The following ADD2 variants were observed in gnomAD, a reference collection of about 807,000 sequenced individuals.
ADD2 encodes adducin 2.
ADD2 carries 23 observed loss-of-function variants against 83.0 expected under a neutral mutation model. The observed-to-expected ratio is 0.28, with a 90% CI of 0.20 to 0.39. The LOEUF is 0.39. Ranked by LOEUF, ADD2 falls within the 10% of genes least tolerant of loss-of-function variation. ADD2 has a pLI of 1.00. For synonymous variants in ADD2, 375 were observed against 375.4 expected (o/e 1.00, Z 0.01); for missense variants, 758 against 944.9 (o/e 0.80, Z 2.59).
intron 14 of ADD2, among the ~76,000 whole-genome samples, chr2:70,673,959 G>A (rs566198046): frequency 9.6e-4 from 146 of 152,278 alleles, no homozygotes; most frequent in African/African-American, 3.5e-3. Flanking sequence ...TGGAGATGGT[G>A]GAAGAAGACC....
chr2:70,668,124 G>A (rs76622444), intron 15 of ADD2, among the ~76,000 whole-genome samples: 12,323 of 152,242 alleles, frequency 0.081, 545 homozygotes, highest in Middle Eastern at 0.12. Context: ...GACTCAGACT[G>A]AGTTACACCA....
chr2:70,734,779 A>G (rs1227702480), intron 1 of ADD2, among the ~76,000 whole-genome samples: 1 of 152,194 alleles, frequency 6.6e-6, no homozygotes, highest in Non-Finnish European at 1.5e-5. Flanking sequence ...CCCCAAGCCG[A>G]CCACCTCTGT....
chr2:70,718,241 T>C (rs1256862749), intron 1 of ADD2, among the ~76,000 whole-genome samples: 1 of 152,230 alleles, frequency 6.6e-6, no homozygotes, highest in African/African-American at 2.4e-5. Flanking sequence ...CTTGGAATCA[T>C]TCCCATACCC....
At position 70,666,167 on chromosome 2, in the gene ADD2, G is replaced by A. The variant is rs542335362; in HGVS notation, c.1871-2432C>T. 3.0e-4 allele frequency among the ~76,000 whole-genome samples: 46 copies of A among 152,252 alleles called. 1 individual carries two copies. The highest frequency in any genetic ancestry group is 6.8e-3 in the Middle Eastern group (2 of 294). On this transcript the variant is annotated intron_variant, in intron 15 of 15. Coordinates refer to ENST00000264436, the MANE Select transcript of ADD2 (RefSeq NM_001617.4). ...CCCCTTCTACACTGAAATGAATTAGGGCAAAATTGTGTCTAATGACCTATG... is the reference window on the plus strand; with the variant it reads ...CCCCTTCTACACTGAAATGAATTAGAGCAAAATTGTGTCTAATGACCTATG...
chr2:70,675,016 G>A (rs1670063355), intron 13 of ADD2, 191 bp from the exon 14 acceptor site: 1 of 1,347,526 alleles, frequency 7.4e-7, no homozygotes, highest in Admixed American at 3.4e-5. Flanking sequence ...CTTACCCCTA[G>A]ATTTTGCAAC....
At chr2:70,729,488 T>C (rs1477057) in intron 1 of ADD2, among the ~76,000 whole-genome samples, 86,423 of 151,822 alleles carry the variant, frequency 0.57, 25,208 homozygotes, top group East Asian at 0.9. Flanking sequence ...CCCAACCTCT[T>C]CCCCACCCCT....
chr2:70,683,653 T>A lies in ADD2; in HGVS notation c.1063A>T (p.Met355Leu). ...VQWAGSTFGP[M>L]QKSRLGEHEF... Reference sequence around the variant, plus strand: ...TGCTCCCCCAGCCGACTCTTCTGCATAGGCCCAAAGGTGCTCCCGGCCCAC... The same window carrying A: ...TGCTCCCCCAGCCGACTCTTCTGCAAAGGCCCAAAGGTGCTCCCGGCCCAC... The change falls in exon 10 of 16, where the codon ATG becomes TTG. Residue 355 changes from methionine (M) to leucine (L), a missense_variant. Met to Leu is a conservative substitution (Grantham distance 15). This residue lies in a region of ADD2 where 394 missense variants were observed against 509.3 expected (regional missense o/e 0.77). Transcript: ENST00000264436. The A allele has an allele frequency of 1.9e-6, 3 of 1,614,128 alleles. No individual in the cohort carries two copies. The highest frequency in any genetic ancestry group is 2.5e-6 in the Non-Finnish European group (3 of 1,180,000).
At chr2:70,693,410 C>A (rs1457646457) in intron 6 of ADD2, among the ~76,000 whole-genome samples, 1 of 152,172 alleles carries the variant, frequency 6.6e-6, no homozygotes, top group African/African-American at 2.4e-5. Context: ...AAAACTGAGA[C>A]ACCCGTGACA....
At chr2:70,711,370 T>A (rs1672167753) in intron 2 of ADD2, 1 of 151,884 alleles carries the variant, frequency 6.6e-6, no homozygotes, top group African/African-American at 2.4e-5. Context: ...CAAGGAAGGG[T>A]CTAGCCACCC....
chr2:70,767,765 G>T (rs1381572442), intron 1 of ADD2, 121 bp downstream of exon 1: 2 of 1,458,176 alleles, frequency 1.4e-6, no homozygotes, highest in Non-Finnish European at 1.8e-6. Flanking sequence ...CGACGCGCTC[G>T]GCAACAGACG....
At position 70,676,670 on chromosome 2, in the gene ADD2, C is replaced by A. The variant is rs554170378; in HGVS notation, c.1593+126G>T. ...TGGCCTCCATTTTGCAGCAAGAGCA[C>A]CGGCACCCAAGATCACAGGGGAAGG... On this transcript the variant is annotated intron_variant, in intron 13 of 15. Coordinates refer to ENST00000264436, the MANE Select transcript of ADD2 (RefSeq NM_001617.4). This position sits in a 1 kb window ranked among gnomAD's most constrained non-coding sequence, Gnocchi z 4.8. The A allele has an allele frequency of 2.7e-6, 4 of 1,503,720 alleles. No homozygotes were observed. In the South Asian group the frequency reaches 5.1e-5, roughly 19 times the overall value. 93.1% of individuals were successfully genotyped at this position (1,503,720 alleles called of 1,614,324 possible).
intron 1 of ADD2, 148 bp downstream of exon 1, chr2:70,767,738 G>C: frequency 3.5e-6 from 5 of 1,434,038 alleles, no homozygotes; most frequent in Non-Finnish European, 4.5e-6. Flanking sequence ...CACCGCTGCC[G>C]GCCAGGGCTG....
intron 6 of ADD2, among the ~76,000 whole-genome samples, chr2:70,695,145 C>G (rs1671245146): frequency 6.6e-6 from 1 of 152,172 alleles, no homozygotes; most frequent in African/African-American, 2.4e-5. Context: ...AAGGTAGTGT[C>G]CTCCTCTCCG....
Position 70,762,263 on chromosome 2 carries a change from G to A in ADD2, c.-154+5623C>T, listed in dbSNP as rs564474750. 3.3e-5 allele frequency among the ~76,000 whole-genome samples: 5 copies of A among 151,666 alleles called. 1 individual carries two copies. The highest frequency in any genetic ancestry group is 7.3e-5 in the African/African-American group (3 of 41,050). ...GAAAGCTTAAGAAGAAAGAGAATGAGCATCACACCAGGGAAATGGAAACAG... is the reference window on the plus strand; with the variant it reads ...GAAAGCTTAAGAAGAAAGAGAATGAACATCACACCAGGGAAATGGAAACAG... On this transcript the variant is annotated intron_variant, in intron 1 of 15. Transcript: ENST00000264436.
intron 1 of ADD2, among the ~76,000 whole-genome samples, chr2:70,739,381 T>C (rs916605513): frequency 7.2e-5 from 11 of 152,124 alleles, no homozygotes; most frequent in Admixed American, 7.2e-4. Context: ...AGTCAAAAAT[T>C]ACAGATACTG....
At chr2:70,767,784 C>A in intron 1 of ADD2, 102 bp downstream of exon 1, 1 of 1,493,340 alleles carries the variant, frequency 6.7e-7, no homozygotes. Context: ...CGCGCCCCAC[C>A]TGGGCCAAGC....
Position 70,696,226 on chromosome 2 carries a change from T to A in ADD2, c.474+19A>T, listed in dbSNP as rs1553372642. 6 of 1,606,780 alleles carry A rather than the reference T, an allele frequency of 3.7e-6. No homozygotes were observed. Among genetic ancestry groups the A allele is most frequent in the Non-Finnish European group, 5.1e-6 (6 of 1,176,646 alleles). On this transcript the variant is annotated intron_variant, in intron 5 of 15. Transcript: ENST00000264436. ...GACCACATGCAGTGCCCCACCCAAT[T>A]CCAGGGCGTTCTGCTCACCGTGACA... is the stretch of plus-strand genomic sequence containing the variant.
In ADD2 at chr2:70,673,021, A is replaced by G; in HGVS notation, c.1742-15T>C. The G allele has an allele frequency of 7.5e-6, 12 of 1,610,110 alleles. No individual in the cohort carries two copies. Among genetic ancestry groups the G allele is most frequent in the Non-Finnish European group, 1.0e-5 (12 of 1,179,114 alleles). The stretch of plus-strand genomic sequence containing the variant: ...TTCTTTCTCTCCTGAAAAAACAGAA[A>G]AACACCTCAGGATAGAGGTCAAATA... On this transcript the variant is annotated splice_polypyrimidine_tract_variant and intron_variant, in intron 14 of 15. Transcript: ENST00000264436.
rs547707313 is a variant in ADD2 at position 70,696,158 on chromosome 2, T to C, written c.474+87A>G. On this transcript the variant is annotated intron_variant, in intron 5 of 15. Coordinates refer to ENST00000264436, the MANE Select transcript of ADD2 (RefSeq NM_001617.4). ...TAGCCAAAGGTCACCAGCAGTGCCA[T>C]GGCCATGCCAAGGGTCAGGAGTTCT... 28 of 1,516,348 alleles carry C rather than the reference T, an allele frequency of 1.8e-5. No individual in the cohort carries two copies. The East Asian group carries it at 5.8e-4, about 32-fold the overall frequency. The allele number at this position is 1,516,348 out of a possible 1,614,324, so 93.9% of individuals were successfully genotyped here. A position where few individuals can be genotyped will look rare whatever the true frequency, so the allele number is the denominator to read the frequency against.
Sources: gnomAD v4.1 joint callset for allele counts (sites outside exome capture counted in the v4.1 genomes callset) on GRCh38, gnomAD v4.1.1 for gene constraint, gnomAD v4.1.1 regional missense constraint, Gnocchi (gnomAD v3.1) non-coding constraint, MANE v1.5 for transcripts, NCBI Gene and HGNC (gene_info 2026-07-23, HGNC 2026-07-21) for gene names.